The following PALLD variants were observed in gnomAD, a reference collection of about 807,000 sequenced individuals.
PALLD encodes palladin.
Under a neutral mutation model 123.5 loss-of-function variants are expected in PALLD, and 61 were observed. The ratio of observed to expected loss-of-function variants is 0.49; its 90% CI spans 0.40 to 0.61. The LOEUF (loss-of-function observed/expected upper bound fraction) is 0.61, where lower values mean the gene tolerates loss of function less well. Ranked by LOEUF, PALLD falls within the 20% of genes least tolerant of loss-of-function variation. The pLI is 0.00. For missense variants in PALLD, 1,273 were observed against 1,377.0 expected (o/e 0.92, Z 1.20); for synonymous variants, 465 against 496.4 (o/e 0.94, Z 0.84).
At chr4:168,769,300 G>T (rs1337242226) in intron 10 of PALLD, among the ~76,000 whole-genome samples, 1 of 152,200 alleles carries the variant, frequency 6.6e-6, no homozygotes, top group African/African-American at 2.4e-5. Context: ...CGTTAGAACT[G>T]TCCTCACAGT....
chr4:168,649,864 T>C (rs927693375), intron 2 of PALLD, among the ~76,000 whole-genome samples: 1 of 152,232 alleles, frequency 6.6e-6, no homozygotes, highest in Non-Finnish European at 1.5e-5. Context: ...GTTTCTCTTT[T>C]GTACATTTTA....
chr4:168,563,036 T>A (rs1768015038), intron 2 of PALLD, among the ~76,000 whole-genome samples: 2 of 152,150 alleles, frequency 1.3e-5, no homozygotes, highest in South Asian at 4.1e-4. Flanking sequence ...AAGAACTTCC[T>A]GGAAGATTGT....
intron 1 of PALLD, among the ~76,000 whole-genome samples, chr4:168,500,865 T>C (rs954477602): frequency 6.6e-6 from 1 of 152,222 alleles, no homozygotes; most frequent in African/African-American, 2.4e-5. Context: ...TTTATGCCTA[T>C]AGTACATATT....
intron 2 of PALLD, chr4:168,631,553 C>G (rs548416398): frequency 3.2e-6 from 3 of 949,470 alleles, no homozygotes; most frequent in South Asian, 9.7e-5. Flanking sequence ...CCCTCTCCCC[C>G]TCCCCAGCAG....
At chr4:168,702,370 G>A (rs1376810994) in intron 8 of PALLD, among the ~76,000 whole-genome samples, 1 of 152,042 alleles carries the variant, frequency 6.6e-6, no homozygotes, top group East Asian at 1.9e-4. Context: ...GACCAACATG[G>A]TGAAACCCTG....
intron 2 of PALLD, among the ~76,000 whole-genome samples, chr4:168,632,614 G>C (rs1775945093): frequency 6.6e-6 from 1 of 152,130 alleles, no homozygotes; most frequent in Admixed American, 6.5e-5. Context: ...TTAGCATTCA[G>C]TTGGCGGTGG....
chr4:168,518,719 G>A (rs1763246876), intron 2 of PALLD, among the ~76,000 whole-genome samples: 1 of 152,098 alleles, frequency 6.6e-6, no homozygotes, highest in African/African-American at 2.4e-5. Flanking sequence ...CCACTCTCTT[G>A]CTTTTCTCCA....
chr4:168,497,256 A>T (rs1760841948), intron 1 of PALLD, 62 bp downstream of exon 1: 1 of 152,186 alleles, frequency 6.6e-6, no homozygotes. Flanking sequence ...CTTAAAAAAA[A>T]AAAAACTAAA....
At chr4:168,829,014 A>G (rs1342686675) in intron 10 of PALLD, 3 of 152,400 alleles carry the variant, frequency 2.0e-5, no homozygotes, top group Middle Eastern at 3.4e-3. Context: ...TTCAGTGTTC[A>G]GAGGAGGATG....
chr4:168,596,040 T>C (rs145614004), intron 2 of PALLD, among the ~76,000 whole-genome samples: 1 of 152,252 alleles, frequency 6.6e-6, no homozygotes, highest in East Asian at 1.9e-4. Flanking sequence ...TAATAGTAAT[T>C]AGATTTTTTG....
chr4:168,778,809 G>A (rs1030768222), intron 10 of PALLD, among the ~76,000 whole-genome samples: 1 of 152,174 alleles, frequency 6.6e-6, no homozygotes, highest in African/African-American at 2.4e-5. Context: ...AACCCAAGCA[G>A]TCTTGCTCTT....
At chr4:168,735,470 C>T (rs551640281) in intron 10 of PALLD, among the ~76,000 whole-genome samples, 3 of 152,218 alleles carry the variant, frequency 2.0e-5, no homozygotes, top group Admixed American at 1.3e-4. Context: ...TAATAGAACA[C>T]ATTCTTATGC....
chr4:168,554,809 G>C (rs1421001839), intron 2 of PALLD, among the ~76,000 whole-genome samples: 1 of 151,924 alleles, frequency 6.6e-6, no homozygotes, highest in African/African-American at 2.4e-5. Flanking sequence ...CAGCTTTCAG[G>C]TTATCTCAAC....
At chr4:168,914,057 A>T (rs751951926) in intron 16 of PALLD, 36 bp downstream of exon 16, 2 of 1,176,254 alleles carry the variant, frequency 1.7e-6, no homozygotes, top group Admixed American at 3.4e-5. Flanking sequence ...GTGTTACATT[A>T]TTTTATTTAT....
intron 4 of PALLD, among the ~76,000 whole-genome samples, chr4:168,682,669 C>G (rs1196589209): frequency 1.3e-5 from 2 of 152,128 alleles, no homozygotes; most frequent in African/African-American, 4.8e-5. Flanking sequence ...CAAATATTTT[C>G]TCTTAGGATT....
chr4:168,780,407 C>A (rs1018670940), intron 10 of PALLD, among the ~76,000 whole-genome samples: 2 of 152,214 alleles, frequency 1.3e-5, no homozygotes, highest in Admixed American at 1.3e-4. Flanking sequence ...ATCCAGCTTT[C>A]TTAGTCTCAC....
At chr4:168,552,315 G>T (rs1766821261) in intron 2 of PALLD, among the ~76,000 whole-genome samples, 1 of 152,216 alleles carries the variant, frequency 6.6e-6, no homozygotes, top group South Asian at 2.1e-4. Context: ...GGATTCATTT[G>T]GTTTTTTGAG....
At chr4:168,771,076 CAA>C (rs201127407) in intron 10 of PALLD, among the ~76,000 whole-genome samples, 6 of 36,856 alleles carry the variant, frequency 1.6e-4, no homozygotes, top group Admixed American at 2.9e-4. Flanking sequence ...AAAAAAAAAA[CAA>C]AAAAAAAACC....
rs551569622 is a variant in PALLD at position 168,677,693 on chromosome 4, A to G, written c.1088-3639A>G. ...CTCCCGGGTCACCCCCGACCTTCTGATCGCCTTCACTGGCTTTTCCTCAGG... is the reference window on the plus strand; with the variant it reads ...CTCCCGGGTCACCCCCGACCTTCTGGTCGCCTTCACTGGCTTTTCCTCAGG... On this transcript the variant is annotated intron_variant, in intron 3 of 21. Coordinates refer to ENST00000505667, the MANE Select transcript of PALLD (RefSeq NM_001166108.2). Among the ~76,000 whole-genome samples the G allele has an allele frequency of 2.4e-4, 36 of 152,170 alleles. No homozygotes were observed. The South Asian group carries it at 7.5e-3, about 32-fold the overall frequency.
Sources: allele counts gnomAD v4.1 joint callset (sites outside exome capture counted in the v4.1 genomes callset), GRCh38; gene constraint gnomAD v4.1.1; transcripts MANE v1.5; gene names NCBI Gene and HGNC (gene_info 2026-07-23, HGNC 2026-07-21).